LY75: variants seen among roughly 807,000 people sequenced by gnomAD.
The protein encoded by LY75 is lymphocyte antigen 75.
Under a neutral mutation model 231.7 loss-of-function variants are expected in LY75, and 185 were observed. That is an observed-to-expected ratio of 0.80 (90% CI 0.71 to 0.90). The LOEUF is 0.90. Ranked by LOEUF, LY75 falls within the 40% of genes least tolerant of loss-of-function variation. The pLI is 0.00. For synonymous variants in LY75, 668 were observed against 689.0 expected, an observed-to-expected ratio of 0.97 and a Z score of 0.48; for missense variants, 1,947 against 2,050.2, an observed-to-expected ratio of 0.95 and a Z score of 0.97.
rs1174545017 is a variant in LY75 at position 159,898,697 on chromosome 2, G to T, written c.457C>A (p.Pro153Thr). 6.2e-7 allele frequency: 1 copy of T among 1,611,910 alleles called. No individual in the cohort carries two copies. Among genetic ancestry groups the T allele is most frequent in the Admixed American group, 1.7e-5 (1 of 59,968 alleles). The stretch of plus-strand genomic sequence containing the variant: ...CCTCTCTAATACTCACCATGATAAG[G>T]CTGGTCACAAAGGCTTTCCTCTGAG... ...GGSEESLCDQ[P>T]YHEIYTRDGN... is the part of the protein sequence containing the mutation. Residue 153 changes from proline (P) to threonine (T), a missense_variant, in exon 2 of 35, where the codon CCT (proline) becomes ACT (threonine). Pro to Thr is a conservative substitution (Grantham distance 38). Coordinates refer to ENST00000263636, the MANE Select transcript of LY75 (RefSeq NM_002349.4).
chr2:159,808,452 C>A lies in LY75; in HGVS notation c.4819G>T (p.Val1607Phe), dbSNP rs1682854114. 1 of 1,613,816 alleles carries A rather than the reference C, an allele frequency of 6.2e-7. No individual in the cohort carries two copies. Among genetic ancestry groups the A allele is most frequent in the Non-Finnish European group, 8.5e-7 (1 of 1,179,890 alleles). The change falls in exon 33 of 35, where the codon GTT becomes TTT. Residue 1607 changes from valine to phenylalanine, a missense_variant. Coordinates refer to ENST00000263636, the MANE Select transcript of LY75 (RefSeq NM_002349.4). ...CACATACAATTATTTCACTTACCAACAGAATGTTGAGATAATCCAAGCCAA... is the reference window on the plus strand; with the variant it reads ...CACATACAATTATTTCACTTACCAAAAGAATGTTGAGATAATCCAAGCCAA... ...RVWLGLSQHS[V>F]DQSWSWLDGS... is the part of the protein sequence containing the mutation.
rs1469439950 is a variant in LY75 at position 159,853,174 on chromosome 2, C to T, written c.2743+99G>A. The T allele has an allele frequency of 7.9e-6, 10 of 1,259,424 alleles. No individual in the cohort carries two copies. In the South Asian group the frequency reaches 9.5e-5, roughly 12 times the overall value. The allele number at this position is 1,259,424 out of a possible 1,614,324, so 78.0% of individuals were successfully genotyped here. A position where few individuals can be genotyped will look rare whatever the true frequency, so the allele number is the denominator to read the frequency against. ...ATAAATCAGAATAAGATGAAATTAC[C>T]AAACATATAATTAAAAGGAAAACAA... On this transcript the variant is annotated intron_variant, in intron 20 of 34. Coordinates refer to ENST00000263636, the MANE Select transcript of LY75 (RefSeq NM_002349.4).
chr2:159,904,106 G>T (rs1188886336), intron 1 of LY75, among the ~76,000 whole-genome samples: 1 of 149,158 alleles, frequency 6.7e-6, no homozygotes, highest in Non-Finnish European at 1.5e-5. Context: ...CACCGTAGGC[G>T]CAGTGAAATC....
At position 159,881,193 on chromosome 2, in the gene LY75, T is replaced by C; in HGVS notation, c.1294A>G (p.Thr432Ala). 6.2e-7 allele frequency: 1 copy of C among 1,613,814 alleles called. No homozygotes were observed. Among genetic ancestry groups the C allele is most frequent in the Non-Finnish European group, 8.5e-7 (1 of 1,179,870 alleles). ...WIGLKNINIP[T>A]LFQWSDGTEV... ...GTACCATCTGACCACTGAAATAAAG[T>C]TGGTATGTTTATGTTCTTAAGGCCT... Residue 432 changes from threonine to alanine, a missense_variant, in exon 8 of 35, where the codon ACT (threonine) becomes GCT (alanine). Transcript: ENST00000263636.
chr2:159,824,766 C>G (rs1031485620), intron 28 of LY75, among the ~76,000 whole-genome samples: 1 of 152,166 alleles, frequency 6.6e-6, no homozygotes, highest in South Asian at 2.1e-4. Context: ...GTCTCTCATA[C>G]CACAGTGCAA....
At chr2:159,865,471 A>G (rs1684831043) in intron 13 of LY75, among the ~76,000 whole-genome samples, 1 of 152,178 alleles carries the variant, frequency 6.6e-6, no homozygotes, top group African/African-American at 2.4e-5. Flanking sequence ...ACCTATAAGT[A>G]TTATACTTTT....
chr2:159,904,212 G>A (rs528415154), intron 1 of LY75, among the ~76,000 whole-genome samples: 10 of 152,340 alleles, frequency 6.6e-5, no homozygotes, highest in African/African-American at 2.4e-4. Flanking sequence ...GAGAACGGGA[G>A]GGACGGGACG....
rs568436134 is a variant in LY75 at position 159,861,645 on chromosome 2, T to C, written c.2200-756A>G. Among the ~76,000 whole-genome samples, 19 of 151,764 alleles carry C rather than the reference T, an allele frequency of 1.3e-4. 1 individual carries two copies. The highest frequency in any genetic ancestry group is 4.4e-4 in the African/African-American group (18 of 41,372). ...TGCCTGTACTTGAGAGGCTGAGACA[T>C]GAGGATCAATTGAACCCAGGAGGTT... On this transcript the variant is annotated intron_variant, in intron 14 of 34. Transcript: ENST00000263636.
chr2:159,886,654 A>G, intron 4 of LY75, 124 bp from the exon 5 acceptor site: 3 of 957,838 alleles, frequency 3.1e-6, no homozygotes, highest in Non-Finnish European at 4.4e-6. Context: ...ATCCCTGTAG[A>G]GGGCTGTTTA....
At position 159,904,748 on chromosome 2, in the gene LY75, G is replaced by A; in HGVS notation, c.-66C>T. On this transcript the variant is annotated 5_prime_UTR_variant, in exon 1 of 35. Transcript: ENST00000263636. Reference sequence around the variant, plus strand: ...ACGCGGCTCCCGCCCCGCCTGCTGAGCGCGGCCTGCCCCGCCCGCACCTCT... The same window carrying A: ...ACGCGGCTCCCGCCCCGCCTGCTGAACGCGGCCTGCCCCGCCCGCACCTCT... 7.5e-7 allele frequency: 1 copy of A among 1,340,336 alleles called. No individual in the cohort carries two copies. The highest frequency in any genetic ancestry group is 9.6e-7 in the Non-Finnish European group (1 of 1,045,776). 83.0% of individuals were successfully genotyped at this position (1,340,336 alleles called of 1,614,324 possible).
intron 16 of LY75, 74 bp from the exon 17 acceptor site, chr2:159,855,013 T>C: frequency 6.3e-7 from 1 of 1,585,454 alleles, no homozygotes; most frequent in Non-Finnish European, 8.6e-7. Context: ...CGGCCTTTAA[T>C]GTAGCTCGAA....
rs755324976 is a variant in LY75 at position 159,854,510 on chromosome 2, T to A, written c.2445A>T (p.Pro815=). The part of the protein sequence containing the change: ...NPDRAGIHGP[P]LIIEGSEYWF... ...AATATTCACTTCCTTCAATTATAAG[T>A]GGAGGTCCATGAATTCCAGCACGGT... The change falls in exon 18 of 35, where the codon CCA becomes CCT. Residue 815 remains proline (P), a synonymous_variant. Transcript: ENST00000263636. The A allele has an allele frequency of 2.3e-5, 37 of 1,612,580 alleles. 1 individual carries two copies. The East Asian group carries it at 8.0e-4, about 35-fold the overall frequency.
chr2:159,874,652 T>A (rs1685176315), intron 12 of LY75, among the ~76,000 whole-genome samples: 18 of 132,662 alleles, frequency 1.4e-4, no homozygotes, highest in African/African-American at 5.1e-4. Flanking sequence ...TATATATATT[T>A]TGTAAATATA....
chr2:159,874,838 AATATATGTAAAT>A (rs1424819591), intron 12 of LY75, among the ~76,000 whole-genome samples: 1 of 25,872 alleles, frequency 3.9e-5, no homozygotes, highest in South Asian at 6.9e-3. Flanking sequence ...ATATTTTGTA[AATATATGTAAAT>A]ATATATATAT....
In LY75 at chr2:159,904,752, G is replaced by C. The variant is rs1001498000; in HGVS notation, c.-70C>G. On this transcript the variant is annotated 5_prime_UTR_variant, in exon 1 of 35. Transcript: ENST00000263636. ...GGCTCCCGCCCCGCCTGCTGAGCGC[G>C]GCCTGCCCCGCCCGCACCTCTGTCT... 74 of 1,326,084 alleles carry C rather than the reference G, an allele frequency of 5.6e-5. No individual in the cohort carries two copies. In the African/African-American group the frequency reaches 1.1e-3, roughly 19 times the overall value. 82.1% of individuals were successfully genotyped at this position (1,326,084 alleles called of 1,614,324 possible). A position where few individuals can be genotyped will look rare whatever the true frequency, so the allele number is the denominator to read the frequency against.
Position 159,852,183 on chromosome 2 carries a change from T to C in LY75, c.2883+18A>G. 1 of 1,612,180 alleles carries C rather than the reference T, an allele frequency of 6.2e-7. No homozygotes were observed. Among genetic ancestry groups the C allele is most frequent in the Non-Finnish European group, 8.5e-7 (1 of 1,178,962 alleles). ...TGGAAGCAATCATTGTTGCATAATG[T>C]AGCAATTCTCTTTTTACCTTATTCT... On this transcript the variant is annotated intron_variant, in intron 21 of 34. Transcript: ENST00000263636.
intron 27 of LY75, 49 bp from the exon 28 acceptor site, chr2:159,831,835 C>T (rs1412069478): frequency 2.0e-6 from 3 of 1,474,102 alleles, no homozygotes; most frequent in Non-Finnish European, 2.8e-6. Context: ...TTATCTAGTA[C>T]ACTTCTATTT....
chr2:159,814,377 AG>A (rs1683054803), intron 31 of LY75, among the ~76,000 whole-genome samples: 1 of 152,244 alleles, frequency 6.6e-6, no homozygotes, highest in Non-Finnish European at 1.5e-5. Context: ...GGCCAGGCGT[AG>A]TAGCTCACAC....
At chr2:159,811,700 C>A (rs1372010027) in intron 31 of LY75, among the ~76,000 whole-genome samples, 2 of 152,134 alleles carry the variant, frequency 1.3e-5, no homozygotes, top group Non-Finnish European at 2.9e-5. Context: ...CTGTGAGACT[C>A]TTTAGTGGCC....
Sources: gnomAD v4.1 joint callset for allele counts (sites outside exome capture counted in the v4.1 genomes callset) on GRCh38, gnomAD v4.1.1 for gene constraint, MANE v1.5 for transcripts, NCBI Gene and HGNC (gene_info 2026-07-23, HGNC 2026-07-21) for gene names.